The following COL19A1 variants were observed in gnomAD, a reference collection of about 807,000 sequenced individuals.
COL19A1 encodes the protein collagen type XIX alpha 1 chain, also known as collagen alpha-1(XIX) chain.
COL19A1 carries 159 observed loss-of-function variants against 190.2 expected under a neutral mutation model. That is an observed-to-expected ratio of 0.84 (90% CI 0.73 to 0.95). The LOEUF (loss-of-function observed/expected upper bound fraction) is 0.95. Among genes scored for constraint, COL19A1 ranks in the 40% least tolerant of loss-of-function variants. The probability of loss-of-function intolerance (pLI) is 0.00; values close to 1 mark genes in which losing one functional copy is unlikely to be tolerated. For synonymous variants in COL19A1, 509 were observed against 458.9 expected, an observed-to-expected ratio of 1.11 and a Z score of -1.39; for missense variants, 1,418 against 1,431.9, an observed-to-expected ratio of 0.99 and a Z score of 0.16.
rs749197689 is a variant in COL19A1, at chr6:70,156,359, A to G, written c.2228A>G (p.Glu743Gly). ...PRGPPGIPGR[E>G]GPKGSKGERG... ...GGTCCTCCAGGAATCCCAGGAAGAG[A>G]GGGACCAAAGGTAAGAAATTCTCTC... Residue 743 changes from glutamate to glycine, a missense_variant, in exon 33 of 51, where the codon GAG (glutamate) becomes GGG (glycine). Glu to Gly is a moderately conservative substitution (Grantham distance 98). Transcript: ENST00000620364. 1.9e-6 allele frequency: 3 copies of G among 1,613,224 alleles called. No homozygotes were observed. Among genetic ancestry groups the G allele is most frequent in the Admixed American group, 3.3e-5 (2 of 59,884 alleles).
intron 49 of COL19A1, among the ~76,000 whole-genome samples, chr6:70,200,438 A>G (rs374819259): frequency 9.8e-5 from 15 of 152,348 alleles, no homozygotes; most frequent in African/African-American, 3.6e-4. Flanking sequence ...GCCCAGGCTT[A>G]GAAGAGTCAA....
chr6:69,950,693 C>T (rs1457737026), intron 9 of COL19A1, among the ~76,000 whole-genome samples: 1 of 151,144 alleles, frequency 6.6e-6, no homozygotes, highest in Non-Finnish European at 1.5e-5. Context: ...CACACACACA[C>T]ACACACACAC....
chr6:70,124,789 T>C (rs776680937), intron 17 of COL19A1, among the ~76,000 whole-genome samples: 2 of 152,202 alleles, frequency 1.3e-5, no homozygotes, highest in Non-Finnish European at 2.9e-5. Flanking sequence ...TCCCAAATGA[T>C]GCACTATAAC....
At chr6:69,913,990 C>T (rs111786448) in intron 4 of COL19A1, among the ~76,000 whole-genome samples, 13 of 151,742 alleles carry the variant, frequency 8.6e-5, no homozygotes, top group African/African-American at 2.9e-4. Context: ...GGCTGAGGGA[C>T]ACCAGAAAAA....
Position 69,982,640 on chromosome 6 carries a change from G to T in COL19A1, c.1026+19770G>T, listed in dbSNP as rs148380554. On this transcript the variant is annotated intron_variant, in intron 11 of 50. Coordinates refer to ENST00000620364, the MANE Select transcript of COL19A1 (RefSeq NM_001858.6). ...CACCAGGCTCTTTAAGATTATCTTGGGTATCCTAGAACCTTGGCATTTTCA... is the reference window on the plus strand; with the variant it reads ...CACCAGGCTCTTTAAGATTATCTTGTGTATCCTAGAACCTTGGCATTTTCA... Among the ~76,000 whole-genome samples the T allele has an allele frequency of 1.0e-3, 158 of 151,692 alleles. 1 individual carries two copies. The highest frequency in any genetic ancestry group is 3.6e-3 in the African/African-American group (147 of 41,336).
rs1310913955 is a variant in COL19A1, at chr6:70,209,328, C to A, written c.*2054C>A. 6.6e-6 allele frequency: 1 copy of A among 152,168 alleles called. No homozygotes were observed. Among genetic ancestry groups the A allele is most frequent in the African/African-American group, 2.4e-5 (1 of 41,326 alleles). 9.4% of individuals were successfully genotyped at this position (152,168 alleles called of 1,614,324 possible). A position where few individuals can be genotyped will look rare whatever the true frequency, so the allele number is the denominator to read the frequency against. On this transcript the variant is annotated 3_prime_UTR_variant, in exon 51 of 51. Transcript: ENST00000620364. ...TTTTTCATATTAATAGGTTGTTTAT[C>A]TTTTTGCCTGTTTGCTAATTTAAAA... is the stretch of plus-strand genomic sequence containing the variant.
At chr6:70,046,685 A>AGT (rs1779936830) in intron 14 of COL19A1, among the ~76,000 whole-genome samples, 1 of 79,604 alleles carries the variant, frequency 1.3e-5, no homozygotes, top group African/African-American at 9.4e-5. Context: ...TTTAAATTAA[A>AGT]ATGTCTTTAA....
chr6:70,040,013 C>G (rs941152192), intron 14 of COL19A1, among the ~76,000 whole-genome samples: 1 of 151,866 alleles, frequency 6.6e-6, no homozygotes, highest in Non-Finnish European at 1.5e-5. Context: ...TGATCCTCCT[C>G]CCTTGGCCTC....
chr6:69,950,857 A>G (rs994087066), intron 9 of COL19A1, among the ~76,000 whole-genome samples: 1 of 151,910 alleles, frequency 6.6e-6, no homozygotes, highest in Non-Finnish European at 1.5e-5. Context: ...CTTCAAACAA[A>G]AAAGTGCCTC....
intron 1 of COL19A1, among the ~76,000 whole-genome samples, chr6:69,874,548 G>C (rs965850046): frequency 6.6e-6 from 1 of 152,054 alleles, no homozygotes; most frequent in Non-Finnish European, 1.5e-5. Flanking sequence ...TCAGGAGATC[G>C]AGACCATCCT....
chr6:70,209,952 G>A lies in COL19A1; in HGVS notation c.*2678G>A, dbSNP rs1768091257. On this transcript the variant is annotated 3_prime_UTR_variant, in exon 51 of 51. Coordinates refer to ENST00000620364, the MANE Select transcript of COL19A1 (RefSeq NM_001858.6). ...CTAAATAATTTGGGCCCCAAAGTAG[G>A]GTGGGAAGTTTTCCTCTAAATGACT... 1 of 152,280 alleles carries A rather than the reference G, an allele frequency of 6.6e-6. No homozygotes were observed. Among genetic ancestry groups the A allele is most frequent in the African/African-American group, 2.4e-5 (1 of 41,552 alleles). 9.4% of individuals were successfully genotyped at this position (152,280 alleles called of 1,614,324 possible). A position where few individuals can be genotyped will look rare whatever the true frequency, so the allele number is the denominator to read the frequency against.
chr6:70,182,863 C>T (rs1290596945), intron 44 of COL19A1, among the ~76,000 whole-genome samples: 2 of 152,112 alleles, frequency 1.3e-5, no homozygotes, highest in Non-Finnish European at 1.5e-5. Context: ...AACTGGTATA[C>T]TCACAAGTGG....
chr6:70,093,816 A>C (rs1428694245), intron 15 of COL19A1, among the ~76,000 whole-genome samples: 4 of 152,172 alleles, frequency 2.6e-5, no homozygotes, highest in Non-Finnish European at 4.4e-5. Context: ...TGATGTCACA[A>C]CTTCTAACTT....
rs1768245581 is a variant in COL19A1, at chr6:70,212,191, G to T, written c.*4917G>T. On this transcript the variant is annotated 3_prime_UTR_variant, in exon 51 of 51. Transcript: ENST00000620364. Reference sequence around the variant, plus strand: ...GATAAATGTTTTTCAGCACATTAATGTCTTTAAATTCAGGTTGTATTGGGT... The same window carrying T: ...GATAAATGTTTTTCAGCACATTAATTTCTTTAAATTCAGGTTGTATTGGGT... 6.6e-6 allele frequency among the ~76,000 whole-genome samples: 1 copy of T among 152,108 alleles called. No homozygotes were observed. Among genetic ancestry groups the T allele is most frequent in the South Asian group, 2.1e-4 (1 of 4,830 alleles).
chr6:70,130,104 GC>G, intron 17 of COL19A1, 77 bp from the exon 18 acceptor site: 1 of 1,501,942 alleles, frequency 6.7e-7, no homozygotes, highest in South Asian at 1.2e-5. Flanking sequence ...TTATCTGACT[GC>G]TTATACTGTT....
At position 69,969,289 on chromosome 6, in the gene COL19A1, G is replaced by A. The variant is rs561189835; in HGVS notation, c.1026+6419G>A. 3.3e-5 allele frequency among the ~76,000 whole-genome samples: 5 copies of A among 152,206 alleles called. No individual in the cohort carries two copies. In the East Asian group the frequency reaches 7.7e-4, roughly 23 times the overall value. Reference sequence around the variant, plus strand: ...TGAATAAGTAAATAAAAGACAGGAGGCTATAGTAGTTAGCTACTGATATGT... The same window carrying A: ...TGAATAAGTAAATAAAAGACAGGAGACTATAGTAGTTAGCTACTGATATGT... On this transcript the variant is annotated intron_variant, in intron 11 of 50. Transcript: ENST00000620364.
At chr6:69,952,887 A>G (rs1459709805) in intron 9 of COL19A1, among the ~76,000 whole-genome samples, 2 of 152,028 alleles carry the variant, frequency 1.3e-5, no homozygotes, top group African/African-American at 4.8e-5. Flanking sequence ...ACTGTTGTGA[A>G]TTATAATGAA....
At position 70,174,509 on chromosome 6, in the gene COL19A1, G is replaced by A. The variant is rs56246428; in HGVS notation, c.2623-2011G>A. Among the ~76,000 whole-genome samples the A allele has an allele frequency of 2.6e-3, 397 of 151,806 alleles. 4 individuals are homozygous for A. Among genetic ancestry groups the A allele is most frequent in the African/African-American group, 7.7e-3 (318 of 41,354 alleles). On this transcript the variant is annotated intron_variant, in intron 41 of 50. Transcript: ENST00000620364. ...CAGGAGGCAGAGGTTGCAGTGAGCC[G>A]AGATCGTGCCATTGTACTCCAGCCT...
chr6:70,139,658 T>C (rs1166428308), intron 19 of COL19A1, among the ~76,000 whole-genome samples: 1 of 152,050 alleles, frequency 6.6e-6, no homozygotes, highest in Non-Finnish European at 1.5e-5. Flanking sequence ...AGAAGAGTAG[T>C]ATTCATTCAA....
Sources: gnomAD v4.1 joint callset for allele counts (sites outside exome capture counted in the v4.1 genomes callset) on GRCh38, gnomAD v4.1.1 for gene constraint, MANE v1.5 for transcripts, NCBI Gene and HGNC (gene_info 2026-07-23, HGNC 2026-07-21) for gene names.